PTPRK: variants seen among roughly 807,000 people sequenced by gnomAD.
PTPRK encodes the protein protein tyrosine phosphatase receptor type K, also known as receptor-type tyrosine-protein phosphatase kappa.
A neutral mutation model predicts 178.0 loss-of-function variants in PTPRK; 75 were observed. The observed-to-expected ratio is 0.42, with a 90% CI of 0.35 to 0.51. PTPRK has a LOEUF of 0.51. PTPRK is among the 20% of genes least tolerant of loss of function. The probability of loss-of-function intolerance (pLI) is 0.02; values close to 1 mark genes in which losing one functional copy is unlikely to be tolerated. For synonymous variants in PTPRK, 637 were observed against 620.6 expected (o/e 1.03, Z -0.39); for missense variants, 1,441 against 1,797.8 (o/e 0.80, Z 3.59).
chr6:128,121,594 G>C (rs1351500539), intron 7 of PTPRK, among the ~76,000 whole-genome samples: 1 of 151,820 alleles, frequency 6.6e-6, no homozygotes, highest in Non-Finnish European at 1.5e-5. Flanking sequence ...GAAAAGTTTT[G>C]TTTGAAAAAA....
rs143479762 is a variant in PTPRK at position 128,304,009 on chromosome 6, T to G, written c.495+18030A>C. Among the ~76,000 whole-genome samples, 508 of 152,260 alleles carry G rather than the reference T, an allele frequency of 3.3e-3. 4 individuals are homozygous for G. The highest frequency in any genetic ancestry group is 0.023 in the South Asian group (112 of 4,824). ...GGTTGTGTCACAGCCCCACGACTTA[T>G]GCAATTTTGGAGCCCAGGACTTATG... On this transcript the variant is annotated intron_variant, in intron 3 of 29. Transcript: ENST00000368226.
At chr6:128,517,396 T>C (rs1178997029) in intron 1 of PTPRK, among the ~76,000 whole-genome samples, 3 of 152,176 alleles carry the variant, frequency 2.0e-5, no homozygotes, top group Admixed American at 6.5e-5. Context: ...TACAGAAAAC[T>C]TTCTTACATT....
intron 3 of PTPRK, among the ~76,000 whole-genome samples, chr6:128,282,732 T>C (rs900376358): frequency 6.6e-6 from 1 of 152,178 alleles, no homozygotes; most frequent in Non-Finnish European, 1.5e-5. Context: ...GAATACCCTA[T>C]CCAGCCCTAT....
intron 11 of PTPRK, among the ~76,000 whole-genome samples, chr6:128,076,569 T>A (rs551312511): frequency 1.3e-5 from 2 of 152,184 alleles, no homozygotes; most frequent in Admixed American, 1.3e-4. Context: ...TATTATTAAA[T>A]TACTTCTTCT....
At chr6:128,322,412 T>C in intron 2 of PTPRK, 102 bp from the exon 3 acceptor site, 1 of 1,191,752 alleles carries the variant, frequency 8.4e-7, no homozygotes, top group Non-Finnish European at 1.2e-6. Flanking sequence ...AAATTTAAGT[T>C]AAAAAGACTG....
intron 3 of PTPRK, among the ~76,000 whole-genome samples, chr6:128,287,667 C>T (rs540022455): frequency 1.3e-5 from 2 of 152,126 alleles, no homozygotes; most frequent in Non-Finnish European, 2.9e-5. Flanking sequence ...CTTCTTGTCA[C>T]CAAGCTAAAA....
chr6:128,394,245 C>G (rs1361627017), intron 2 of PTPRK, among the ~76,000 whole-genome samples: 1 of 152,140 alleles, frequency 6.6e-6, no homozygotes, highest in Non-Finnish European at 1.5e-5. Flanking sequence ...TATGAATATG[C>G]CACCATTTAT....
intron 1 of PTPRK, among the ~76,000 whole-genome samples, chr6:128,477,647 T>C (rs1851536779): frequency 6.6e-6 from 1 of 152,112 alleles, no homozygotes; most frequent in African/African-American, 2.4e-5. Context: ...TAATAGTATT[T>C]AAAAGCACCA....
intron 1 of PTPRK, among the ~76,000 whole-genome samples, chr6:128,417,693 T>C (rs1243831624): frequency 6.6e-6 from 1 of 152,216 alleles, no homozygotes; most frequent in African/African-American, 2.4e-5. Context: ...GAAAATTTGT[T>C]CGATCATCAT....
intron 7 of PTPRK, among the ~76,000 whole-genome samples, chr6:128,135,340 C>T (rs527656339): frequency 2.7e-5 from 4 of 150,936 alleles, no homozygotes; most frequent in Admixed American, 1.3e-4. Context: ...GGGCTGGACC[C>T]AAGAGCAGTG....
At chr6:128,152,672 T>C (rs1797435729) in intron 7 of PTPRK, among the ~76,000 whole-genome samples, 1 of 151,372 alleles carries the variant, frequency 6.6e-6, no homozygotes, top group South Asian at 2.1e-4. Flanking sequence ...AACAAGGAAA[T>C]GGGTTATCCA....
At chr6:128,112,927 A>C (rs1403394481) in intron 7 of PTPRK, among the ~76,000 whole-genome samples, 1 of 152,080 alleles carries the variant, frequency 6.6e-6, no homozygotes, top group Non-Finnish European at 1.5e-5. Flanking sequence ...CTTTTTCCAA[A>C]GGATTCTTCC....
chr6:128,349,863 T>C (rs1832898854), intron 2 of PTPRK, among the ~76,000 whole-genome samples: 3 of 152,116 alleles, frequency 2.0e-5, no homozygotes, highest in South Asian at 2.1e-4. Context: ...ATAGGAGACT[T>C]ATGGGTCAGG....
chr6:128,123,470 T>A (rs985039612), intron 7 of PTPRK, among the ~76,000 whole-genome samples: 1 of 152,180 alleles, frequency 6.6e-6, no homozygotes, highest in Admixed American at 6.5e-5. Flanking sequence ...AAATAAATTT[T>A]TAGAATAGTT....
chr6:128,333,127 C>T (rs1032757910), intron 2 of PTPRK, among the ~76,000 whole-genome samples: 1 of 152,200 alleles, frequency 6.6e-6, no homozygotes, highest in Non-Finnish European at 1.5e-5. Flanking sequence ...AATCATCACT[C>T]ACCTTTCCAA....
chr6:128,403,895 C>A (rs1012506230), intron 1 of PTPRK, among the ~76,000 whole-genome samples: 1 of 152,144 alleles, frequency 6.6e-6, no homozygotes, highest in African/African-American at 2.4e-5. Context: ...GTTTTGTGGG[C>A]CATGCCATTT....
chr6:128,505,258 A>C (rs116989458), intron 1 of PTPRK, among the ~76,000 whole-genome samples: 2,381 of 150,706 alleles, frequency 0.016, 29 homozygotes, highest in Non-Finnish European at 0.026. Flanking sequence ...CCTGACCAAC[A>C]GGAAGAAACC....
At chr6:128,140,139 C>T (rs1795567335) in intron 7 of PTPRK, among the ~76,000 whole-genome samples, 1 of 152,000 alleles carries the variant, frequency 6.6e-6, no homozygotes, top group African/African-American at 2.4e-5. Context: ...ATTTAGAATT[C>T]ATTCTATACC....
intron 6 of PTPRK, among the ~76,000 whole-genome samples, chr6:128,216,658 T>C (rs1049872150): frequency 1.3e-5 from 2 of 152,026 alleles, no homozygotes; most frequent in African/African-American, 4.8e-5. Flanking sequence ...AGCATTGTAA[T>C]GTAGTTGTCT....
Sources: gnomAD v4.1 joint callset for allele counts (sites outside exome capture counted in the v4.1 genomes callset) on GRCh38, gnomAD v4.1.1 for gene constraint, MANE v1.5 for transcripts, NCBI Gene and HGNC (gene_info 2026-07-23, HGNC 2026-07-21) for gene names.